SP140: variants seen among roughly 807,000 people sequenced by gnomAD.
SP140 encodes nuclear body protein SP140.
Under a neutral mutation model 125.0 loss-of-function variants are expected in SP140, and 81 were observed. The observed-to-expected ratio is 0.65, with a 90% CI of 0.54 to 0.78. SP140 has a LOEUF of 0.78. SP140 is among the 30% of genes least tolerant of loss of function. The pLI is 0.00. For synonymous variants in SP140, 312 were observed against 354.0 expected, an observed-to-expected ratio of 0.88 and a Z score of 1.33; for missense variants, 858 against 1,037.0, an observed-to-expected ratio of 0.83 and a Z score of 2.37.
intron 12 of SP140, among the ~76,000 whole-genome samples, chr2:230,259,235 T>A (rs750052256): frequency 1.3e-5 from 2 of 152,196 alleles, no homozygotes; most frequent in Non-Finnish European, 2.9e-5. Flanking sequence ...TGTAGTCTTC[T>A]ATCCCTCGCA....
chr2:230,252,832 G>A (rs59020873), intron 10 of SP140, among the ~76,000 whole-genome samples: 19,583 of 152,044 alleles, frequency 0.13, 1,300 homozygotes, highest in African/African-American at 0.14. Flanking sequence ...GTTCAGGGCC[G>A]GGTCACAGGG....
At chr2:230,246,566 A>G (rs574676375) in intron 7 of SP140, among the ~76,000 whole-genome samples, 1 of 152,324 alleles carries the variant, frequency 6.6e-6, no homozygotes, top group East Asian at 1.9e-4. Context: ...TCACAAAGGG[A>G]AGGGTCCCTG....
chr2:230,253,262 G>T (rs1356219330), intron 10 of SP140, 54 bp from the exon 11 acceptor site: 1 of 1,296,182 alleles, frequency 7.7e-7, no homozygotes, highest in East Asian at 2.3e-5. Flanking sequence ...TCCCATCTTG[G>T]ATGGCGTGAA....
At chr2:230,231,966 C>T (rs1001582085) in intron 1 of SP140, among the ~76,000 whole-genome samples, 1 of 152,042 alleles carries the variant, frequency 6.6e-6, no homozygotes, top group African/African-American at 2.4e-5. Flanking sequence ...GTCTCAGTCT[C>T]CCAAAATGCT....
intron 21 of SP140, among the ~76,000 whole-genome samples, chr2:230,296,596 G>A (rs1395105628): frequency 6.6e-6 from 1 of 152,220 alleles, no homozygotes; most frequent in Non-Finnish European, 1.5e-5. Context: ...AGAGGACCTT[G>A]GAGGCATTTT....
intron 3 of SP140, chr2:230,239,134 G>C (rs2048370339): frequency 2.0e-6 from 2 of 998,070 alleles, no homozygotes; most frequent in Non-Finnish European, 2.6e-6. Flanking sequence ...ACTATACCTT[G>C]ATTCAAAAAA....
chr2:230,269,935 C>A lies in SP140; in HGVS notation c.1426C>A (p.Gln476Lys). The A allele has an allele frequency of 6.2e-7, 1 of 1,613,370 alleles. No homozygotes were observed. The highest frequency in any genetic ancestry group is 8.5e-7 in the Non-Finnish European group (1 of 1,179,378). The change falls in exon 14 of 27, where the codon CAA (glutamine) becomes AAA (lysine). Residue 476 changes from glutamine to lysine, a missense_variant. Gln to Lys is a moderately conservative substitution (Grantham distance 53). Around this residue, in one of 4 missense-constraint regions of SP140, gnomAD observed 791 missense variants for 869.5 expected, o/e 0.91. Coordinates refer to ENST00000392045, the MANE Select transcript of SP140 (RefSeq NM_007237.5). ...GSPEARTESD[Q>K]ACGTMDTVDI... ...CCCAGAAGCAAGGACGGAAAGTGATCAAGCGTGTGGCACAATGGGTAAGGC... is the reference window on the plus strand; with the variant it reads ...CCCAGAAGCAAGGACGGAAAGTGATAAAGCGTGTGGCACAATGGGTAAGGC...
Position 230,305,686 on chromosome 2 carries a change from G to A in SP140, c.2059-4238G>A, listed in dbSNP as rs574772723. 3.3e-5 allele frequency among the ~76,000 whole-genome samples: 5 copies of A among 152,350 alleles called. 1 individual carries two copies. The South Asian group carries it at 6.2e-4, about 19-fold the overall frequency. On this transcript the variant is annotated intron_variant, in intron 22 of 26. Coordinates refer to ENST00000392045, the MANE Select transcript of SP140 (RefSeq NM_007237.5). Reference sequence around the variant, plus strand: ...TAGCGTGGGGGTCGGGCCCGAACGCGGAGCAGTGGCCACACTTCAGGGGCC... The same window carrying A: ...TAGCGTGGGGGTCGGGCCCGAACGCAGAGCAGTGGCCACACTTCAGGGGCC...
chr2:230,189,999 T>C, the SP140 span, among the ~76,000 whole-genome samples: 2 of 152,254 alleles, frequency 1.3e-5, no homozygotes, highest in African/African-American at 4.8e-5. Flanking sequence ...TGGTAAATAC[T>C]GCTGCGATAA....
intron 1 of SP140, among the ~76,000 whole-genome samples, chr2:230,232,019 C>T (rs967335140): frequency 6.6e-6 from 1 of 152,144 alleles, no homozygotes; most frequent in Admixed American, 6.5e-5. Context: ...TCACCTCCAC[C>T]CTTTTTAGAA....
At chr2:230,257,807 A>T (rs1419769953) in intron 12 of SP140, among the ~76,000 whole-genome samples, 2 of 152,152 alleles carry the variant, frequency 1.3e-5, no homozygotes, top group Non-Finnish European at 2.9e-5. Context: ...ACTTAATATC[A>T]AACGAAAGGC....
intron 18 of SP140, chr2:230,288,191 A>C (rs1223959248): frequency 1.6e-5 from 7 of 445,604 alleles, no homozygotes; most frequent in Non-Finnish European, 2.8e-5. Flanking sequence ...GGGGCCACTA[A>C]AGTGCTACTT....
rs150301657 is a variant in SP140, at chr2:230,277,382, T to C, written c.1498+6743T>C. Among the ~76,000 whole-genome samples the C allele has an allele frequency of 7.4e-4, 112 of 152,286 alleles. 1 individual carries two copies. The highest frequency in any genetic ancestry group is 2.4e-3 in the African/African-American group (100 of 41,578). Reference sequence around the variant, plus strand: ...TTAGCAATAAAGTATGTTTAAGATATGTTCATTTTATTTTAGACACAATGC... The same window carrying C: ...TTAGCAATAAAGTATGTTTAAGATACGTTCATTTTATTTTAGACACAATGC... On this transcript the variant is annotated intron_variant, in intron 15 of 26. Coordinates refer to ENST00000392045, the MANE Select transcript of SP140 (RefSeq NM_007237.5).
chr2:230,278,954 C>A (rs1291628245), intron 15 of SP140, among the ~76,000 whole-genome samples: 1 of 151,980 alleles, frequency 6.6e-6, no homozygotes, highest in African/African-American at 2.4e-5. Flanking sequence ...TAGACTCCAT[C>A]AAAAAACTGT....
upstream of SP140, among the ~76,000 whole-genome samples, chr2:230,198,133 C>CCGGAAGTCCTT (rs780494562): frequency 0.15 from 22,245 of 152,246 alleles, 1,968 homozygotes; most frequent in South Asian, 0.27. Context: ...TGGAAGTCCT[C>CCGGAAGTCCTT]TGTAGGGCCC....
At chr2:230,263,063 G>C (rs2149307798) in intron 12 of SP140, among the ~76,000 whole-genome samples, 1 of 152,214 alleles carries the variant, frequency 6.6e-6, no homozygotes, top group East Asian at 1.9e-4. Context: ...GAGTATTGAA[G>C]TTCTCCACTA....
intron 19 of SP140, among the ~76,000 whole-genome samples, chr2:230,292,148 C>G (rs1194392294): frequency 6.6e-6 from 1 of 152,224 alleles, no homozygotes; most frequent in Non-Finnish European, 1.5e-5. Flanking sequence ...AATAATGCCA[C>G]TAGACTGCAT....
In SP140 at chr2:230,248,044, A is replaced by G; in HGVS notation, c.871A>G (p.Ser291Gly). The G allele has an allele frequency of 1.9e-6, 3 of 1,613,716 alleles. No individual in the cohort carries two copies. The highest frequency in any genetic ancestry group is 1.7e-4 in the Middle Eastern group (1 of 6,036). ...CCAAGACAAGGAGAAGTACCAAGAG[A>G]GTCCAGAGGGAAGAGACAAAGGTAG... The part of the protein sequence containing the change: ...RNQDKEKYQE[S>G]PEGRDKETFD... Residue 291 changes from serine to glycine, a missense_variant, in exon 8 of 27, where the codon AGT (serine) becomes GGT (glycine). Ser to Gly is a moderately conservative substitution (Grantham distance 56). Transcript: ENST00000392045.
chr2:230,277,804 G>A lies in SP140; in HGVS notation c.1499-6542G>A, dbSNP rs187274729. ...TAACACTGGTAGTTTTTTTCTTCAT[G>A]ATTCAAAATACTATTTTATGTATGT... On this transcript the variant is annotated intron_variant, in intron 15 of 26. Coordinates refer to ENST00000392045, the MANE Select transcript of SP140 (RefSeq NM_007237.5). Among the ~76,000 whole-genome samples, 1,415 of 152,092 alleles carry A rather than the reference G, an allele frequency of 9.3e-3. 9 individuals are homozygous for A. The highest frequency in any genetic ancestry group is 0.016 in the Non-Finnish European group (1,069 of 67,948).
Sources: allele counts gnomAD v4.1 joint callset (sites outside exome capture counted in the v4.1 genomes callset), GRCh38; gene constraint gnomAD v4.1.1; regional missense constraint gnomAD v4.1.1; transcripts MANE v1.5; gene names NCBI Gene and HGNC (gene_info 2026-07-23, HGNC 2026-07-21).